ZNF469: variants seen among roughly 807,000 people sequenced by gnomAD.
ZNF469 encodes zinc finger protein 469.
In ZNF469, 1 loss-of-function variant was observed where a neutral mutation model predicts 1.0. The observed-to-expected ratio is 1.00, with a 90% CI of 0.35 to 4.73. ZNF469 has a LOEUF of 4.73. Among genes scored for constraint, ZNF469 ranks in the 30% most tolerant of loss-of-function variants. ZNF469 has a pLI of 0.16. For synonymous variants in ZNF469, 2,703 were observed against 2,363.4 expected (o/e 1.14, Z -4.17); for missense variants, 6,100 against 5,356.3 (o/e 1.14, Z -4.33).
the ZNF469 span, among the ~76,000 whole-genome samples, chr16:88,311,416 AG>A: frequency 6.6e-6 from 1 of 152,246 alleles, no homozygotes; most frequent in African/African-American, 2.4e-5. Flanking sequence ...CATGGGATCC[AG>A]GGAAATAACC....
rs1457689985 is a variant in ZNF469 at position 88,429,547 on chromosome 16, G to A, written c.2077G>A (p.Glu693Lys). The A allele has an allele frequency of 1.4e-5, 22 of 1,549,618 alleles. No homozygotes were observed. The highest frequency in any genetic ancestry group is 4.9e-5 in the East Asian group (2 of 40,838). Residue 693 changes from glutamate to lysine, a missense_variant, in exon 3 of 3, where the codon GAG becomes AAG. Physicochemically the swap from Glu to Lys is moderately conservative, Grantham distance 56 (BLOSUM62 1). Transcript: ENST00000565624. Reference sequence around the variant, plus strand: ...CCTGGAGGAGACCCCATTCCCCCACGAGGGCCCCGAGGTGGGTCGGGGAGG... The same window carrying A: ...CCTGGAGGAGACCCCATTCCCCCACAAGGGCCCCGAGGTGGGTCGGGGAGG... ...QCLEETPFPH[E>K]GPEVGRGGLQ... is the part of the protein sequence containing the mutation.
upstream of ZNF469, among the ~76,000 whole-genome samples, chr16:88,378,288 G>A (rs1452779213): frequency 6.6e-6 from 1 of 152,174 alleles, no homozygotes; most frequent in South Asian, 2.1e-4. Flanking sequence ...CCTTTTCTCT[G>A]CAGCATCCAG....
At chr16:88,212,940 A>G in the ZNF469 span, among the ~76,000 whole-genome samples, 1 of 152,056 alleles carries the variant, frequency 6.6e-6, no homozygotes, top group Non-Finnish European at 1.5e-5. Flanking sequence ...TGGTCCATCT[A>G]TGTCCTTAGT....
At chr16:88,206,089 C>G in the ZNF469 span, among the ~76,000 whole-genome samples, 2 of 152,268 alleles carry the variant, frequency 1.3e-5, no homozygotes, top group East Asian at 3.9e-4. Context: ...GCTGTGCTGA[C>G]CCCCCGTGTT....
rs1275169587 is a variant in ZNF469 at position 88,437,550 on chromosome 16, C to T, written c.10080C>T (p.Ser3360=). ...FKLQRHLAVH[S]PQRVYLCPRC... is the part of the protein sequence containing the mutation. ...TGCAGCGCCACCTGGCGGTGCACAG[C>T]CCGCAGCGCGTCTACCTGTGCCCCC... The change falls in exon 3 of 3, where the codon AGC becomes AGT. Residue 3360 remains serine (S), a synonymous_variant. Transcript: ENST00000565624. The T allele has an allele frequency of 1.9e-6, 3 of 1,540,384 alleles. No individual in the cohort carries two copies. Among genetic ancestry groups the T allele is most frequent in the South Asian group, 1.2e-5 (1 of 83,772 alleles).
Position 88,433,476 on chromosome 16 carries a change from G to C in ZNF469, c.6006G>C (p.Gln2002His). The C allele has an allele frequency of 6.4e-7, 1 of 1,550,410 alleles. No individual in the cohort carries two copies. Among genetic ancestry groups the C allele is most frequent in the Non-Finnish European group, 8.7e-7 (1 of 1,146,952 alleles). Residue 2002 changes from glutamine to histidine, a missense_variant, in exon 3 of 3, where the codon CAG (glutamine) becomes CAC (histidine). Coordinates refer to ENST00000565624, the MANE Select transcript of ZNF469 (RefSeq NM_001367624.2). ...GCCAAGGCACAGCCAACCAGCTTCA[G>C]CCAGAGAACGGGGTGAGCCCAGGGG... ...TQGQGTANQLQPENGVSPGGT... is the reference protein window; with the variant it reads ...TQGQGTANQLHPENGVSPGGT...
At chr16:88,254,583 C>T in the ZNF469 span, among the ~76,000 whole-genome samples, 1 of 152,060 alleles carries the variant, frequency 6.6e-6, no homozygotes, top group African/African-American at 2.4e-5. Flanking sequence ...TATGATGAAA[C>T]CCCGTCTCTA....
chr16:88,368,297 G>A, the ZNF469 span, among the ~76,000 whole-genome samples: 78,423 of 152,100 alleles, frequency 0.52, 22,120 homozygotes, highest in Non-Finnish European at 0.64. Flanking sequence ...CTACACATGT[G>A]GGACAGGGTA....
At chr16:88,398,404 C>T (rs114975767) in intron 1 of ZNF469, among the ~76,000 whole-genome samples, 1,494 of 124,006 alleles carry the variant, frequency 0.012, 22 homozygotes, top group African/African-American at 0.046. Context: ...ACATGTGAGC[C>T]ACAGATGAAG....
chr16:88,289,703 C>G, the ZNF469 span, among the ~76,000 whole-genome samples: 6 of 152,224 alleles, frequency 3.9e-5, no homozygotes, highest in South Asian at 1.2e-3. Context: ...AGAGAGGGTG[C>G]GTAGGAGTGA....
the ZNF469 span, among the ~76,000 whole-genome samples, chr16:88,367,877 C>T: frequency 2.6e-5 from 4 of 152,162 alleles, no homozygotes; most frequent in East Asian, 7.7e-4. Flanking sequence ...CCAAAGCAGC[C>T]CCCACACTGC....
the ZNF469 span, among the ~76,000 whole-genome samples, chr16:88,137,881 G>T: frequency 5.3e-5 from 8 of 152,204 alleles, no homozygotes; most frequent in Non-Finnish European, 1.0e-4. Context: ...ACCATGGCTA[G>T]CCCAGGGAGA....
chr16:88,111,090 C>T, the ZNF469 span, among the ~76,000 whole-genome samples: 1 of 152,216 alleles, frequency 6.6e-6, no homozygotes, highest in African/African-American at 2.4e-5. Flanking sequence ...GGTGCGACTT[C>T]CCAAACCCCA....
the ZNF469 span, among the ~76,000 whole-genome samples, chr16:88,239,666 TGTATATATATATATA>T: frequency 4.4e-4 from 18 of 40,592 alleles, no homozygotes; most frequent in Admixed American, 7.1e-4. Flanking sequence ...TTTTTTTTTT[TGTATATATATATATA>T]TATATATATA....
the ZNF469 span, among the ~76,000 whole-genome samples, chr16:88,348,392 C>T: frequency 1.5e-4 from 23 of 152,128 alleles, no homozygotes; most frequent in Admixed American, 1.2e-3. Context: ...CACTCCTGTG[C>T]GAACCCAGCT....
At chr16:88,118,804 C>T in the ZNF469 span, among the ~76,000 whole-genome samples, 5 of 152,130 alleles carry the variant, frequency 3.3e-5, no homozygotes, top group Admixed American at 6.5e-5. Context: ...AAGATGTTTC[C>T]GGCATTTGGG....
chr16:88,214,749 C>T, the ZNF469 span, among the ~76,000 whole-genome samples: 11 of 152,098 alleles, frequency 7.2e-5, no homozygotes, highest in African/African-American at 2.4e-4. Flanking sequence ...TGAGAACATG[C>T]GGTGTTTGGT....
At chr16:88,234,274 G>C in the ZNF469 span, among the ~76,000 whole-genome samples, 2 of 152,254 alleles carry the variant, frequency 1.3e-5, no homozygotes, top group Non-Finnish European at 2.9e-5. Flanking sequence ...TCCCTCTTGA[G>C]TGAGCTGAAG....
At chr16:88,243,020 G>T in the ZNF469 span, among the ~76,000 whole-genome samples, 2 of 152,162 alleles carry the variant, frequency 1.3e-5, no homozygotes, top group Non-Finnish European at 2.9e-5. Flanking sequence ...ATGTCTACCC[G>T]CCTAGTGTCT....
Sources: gnomAD v4.1 joint callset for allele counts (sites outside exome capture counted in the v4.1 genomes callset) on GRCh38, gnomAD v4.1.1 for gene constraint, MANE v1.5 for transcripts, NCBI Gene and HGNC (gene_info 2026-07-23, HGNC 2026-07-21) for gene names.